Variants in ZSWIM6 observed in about 807,000 individuals in gnomAD.
ZSWIM6 encodes the protein zinc finger SWIM-type containing 6.
ZSWIM6 carries 9 observed loss-of-function variants against 113.2 expected under a neutral mutation model. That is an observed-to-expected ratio of 0.08 (90% confidence interval 0.05 to 0.14). The LOEUF (loss-of-function observed/expected upper bound fraction) is 0.14. Among genes scored for constraint, ZSWIM6 ranks in the 10% least tolerant of loss-of-function variants. The probability of loss-of-function intolerance (pLI) is 1.00; values close to 1 mark genes in which losing one functional copy is unlikely to be tolerated. For missense variants in ZSWIM6, 1,162 were observed against 1,552.2 expected (o/e 0.75, Z 4.22); for synonymous variants, 611 against 606.5 (o/e 1.01, Z -0.11).
chr5:61,392,136 T>C (rs2112093201), intron 1 of ZSWIM6, among the ~76,000 whole-genome samples: 2 of 152,330 alleles, frequency 1.3e-5, no homozygotes, highest in East Asian at 1.9e-4. Context: ...TCTTTATGTA[T>C]AGATACTCTA....
chr5:61,447,801 G>A (rs1258088082), intron 1 of ZSWIM6, among the ~76,000 whole-genome samples: 3 of 152,186 alleles, frequency 2.0e-5, no homozygotes, highest in Non-Finnish European at 4.4e-5. Flanking sequence ...CAGGGAATAA[G>A]GTTTTACTCA....
rs917544619 is a variant in ZSWIM6 at position 61,522,083 on chromosome 5, TTTTTTGTTTG to T, written c.1513+647_1513+656del. On this transcript the variant is annotated intron_variant, in intron 5 of 13. Transcript: ENST00000252744. Reference sequence around the variant, plus strand: ...ACCTCTGTCTCATTTCTGTCCTGTTTTTTTTGTTTGTTTTTTTTTGTTTTTTGTTTTTTTT... The same window carrying T: ...ACCTCTGTCTCATTTCTGTCCTGTTTTTTTTTTTTGTTTTTTGTTTTTTTT... Among the ~76,000 whole-genome samples, 6 of 145,066 alleles carry T rather than the reference TTTTTTGTTTG, an allele frequency of 4.1e-5. No homozygotes were observed. The South Asian group carries it at 6.7e-4, about 16-fold the overall frequency.
At position 61,530,548 on chromosome 5, in the gene ZSWIM6, G is replaced by GTT. The variant is rs546216663; in HGVS notation, c.1984+352_1984+353dup. On this transcript the variant is annotated intron_variant, in intron 8 of 13. Transcript: ENST00000252744. ...TTAGCATTTAGAACTAGAAAATCTA[G>GTT]TTTAGGTGCTTTTCAAATTTGTCTT... Among the ~76,000 whole-genome samples the GTT allele has an allele frequency of 1.8e-3, 268 of 150,918 alleles. 1 individual carries two copies. The highest frequency in any genetic ancestry group is 6.1e-3 in the African/African-American group (247 of 40,252).
Position 61,531,653 on chromosome 5 carries a change from A to C in ZSWIM6, c.2173A>C (p.Lys725Gln). The C allele has an allele frequency of 6.4e-7, 1 of 1,551,718 alleles. No homozygotes were observed. Among genetic ancestry groups the C allele is most frequent in the East Asian group, 2.4e-5 (1 of 40,926 alleles). Residue 725 changes from lysine (K) to glutamine (Q), a missense_variant, in exon 9 of 14, where the codon AAG (lysine) becomes CAG (glutamine). Physicochemically the swap from Lys to Gln is moderately conservative, Grantham distance 53 (BLOSUM62 1). Transcript: ENST00000252744. ...CCGGAATGAGGAGCAGCTCATTTCT[A>C]AGCTTCAGGAAATTGAATTGGATGA... ...VCRNEEQLIS[K>Q]LQEIELDDTL...
At chr5:61,420,906 T>C (rs953766328) in intron 1 of ZSWIM6, among the ~76,000 whole-genome samples, 13 of 144,888 alleles carry the variant, frequency 9.0e-5, no homozygotes, top group Non-Finnish European at 1.8e-4. Flanking sequence ...TACTAGGTCT[T>C]ATTCGTTCTA....
At chr5:61,526,463 TTC>T in intron 7 of ZSWIM6, 67 bp downstream of exon 7, 1 of 1,516,238 alleles carries the variant, frequency 6.6e-7, no homozygotes, top group Non-Finnish European at 8.9e-7. Flanking sequence ...AGGTTTTGTG[TTC>T]TGGGAGAGAT....
intron 1 of ZSWIM6, among the ~76,000 whole-genome samples, chr5:61,467,849 TC>T (rs1156463161): frequency 6.7e-6 from 1 of 148,586 alleles, no homozygotes. Context: ...TCTACTATTG[TC>T]TGACTCACTT....
intron 1 of ZSWIM6, among the ~76,000 whole-genome samples, chr5:61,348,193 C>T (rs773599930): frequency 1.5e-4 from 23 of 152,010 alleles, no homozygotes; most frequent in Admixed American, 5.9e-4. Context: ...TGCCCTCCAG[C>T]CTGGGCAACA....
rs1422219218 is a variant in ZSWIM6 at position 61,472,925 on chromosome 5, G to A, written c.921G>A (p.Leu307=). The A allele has an allele frequency of 1.7e-5, 26 of 1,551,520 alleles. No individual in the cohort carries two copies. Among genetic ancestry groups the A allele is most frequent in the East Asian group, 2.4e-5 (1 of 40,932 alleles). Residue 307 remains leucine (L), a synonymous_variant, in exon 2 of 14, where the codon CTG becomes CTA. Coordinates refer to ENST00000252744, the MANE Select transcript of ZSWIM6 (RefSeq NM_020928.2). The surrounding 1 kb of genome is among the most constrained non-coding windows in gnomAD (Gnocchi z 4.1). ...TCTTTCAAATGAATAGAGACCAACT[G>A]CAAAAGTTTGTACAGTATTTGATCA... ...ETLFQMNRDQ[L]QKFVQYLITV...
intron 1 of ZSWIM6, among the ~76,000 whole-genome samples, chr5:61,396,386 G>A (rs905673884): frequency 6.6e-6 from 1 of 152,008 alleles, no homozygotes; most frequent in African/African-American, 2.4e-5. Flanking sequence ...ACAAAAATTA[G>A]CTGGGTATGG....
At chr5:61,482,760 A>G (rs1271520236) in intron 2 of ZSWIM6, among the ~76,000 whole-genome samples, 5 of 152,048 alleles carry the variant, frequency 3.3e-5, no homozygotes, top group Admixed American at 2.0e-4. Context: ...TTTTTCTTAC[A>G]TTATAGAATT....
intron 1 of ZSWIM6, among the ~76,000 whole-genome samples, chr5:61,461,663 C>T (rs1262456879): frequency 6.6e-6 from 1 of 152,086 alleles, no homozygotes; most frequent in African/African-American, 2.4e-5. Context: ...TTACCAGGCT[C>T]TCAGAACAGG....
At chr5:61,337,311 A>G (rs1744423891) in intron 1 of ZSWIM6, among the ~76,000 whole-genome samples, 1 of 152,124 alleles carries the variant, frequency 6.6e-6, no homozygotes, top group African/African-American at 2.4e-5. Context: ...AAAAAAAACG[A>G]GATGCAAATA....
chr5:61,471,299 T>TGA (rs1026966589), intron 1 of ZSWIM6, among the ~76,000 whole-genome samples: 12 of 151,084 alleles, frequency 7.9e-5, no homozygotes, highest in East Asian at 3.9e-4. Context: ...AATATGGCTT[T>TGA]GAGAGAGAGA....
chr5:61,531,828 A>G, intron 9 of ZSWIM6, 103 bp downstream of exon 9: 1 of 1,287,368 alleles, frequency 7.8e-7, no homozygotes, highest in Non-Finnish European at 1.1e-6. Flanking sequence ...TATGGTAGTT[A>G]TCCTGATTGC....
chr5:61,346,849 A>G (rs1326525472), intron 1 of ZSWIM6, among the ~76,000 whole-genome samples: 1 of 152,240 alleles, frequency 6.6e-6, no homozygotes, highest in Non-Finnish European at 1.5e-5. Context: ...TTTGCTTTCA[A>G]TAATGACTAC....
At chr5:61,338,801 T>G (rs1744462464) in intron 1 of ZSWIM6, among the ~76,000 whole-genome samples, 1 of 152,220 alleles carries the variant, frequency 6.6e-6, no homozygotes, top group South Asian at 2.1e-4. Context: ...GCTATCCTCA[T>G]TATTTTTTTT....
intron 1 of ZSWIM6, among the ~76,000 whole-genome samples, chr5:61,417,735 A>T (rs1241078187): frequency 6.6e-6 from 1 of 152,348 alleles, no homozygotes; most frequent in East Asian, 1.9e-4. Flanking sequence ...AAGCGAATGC[A>T]TGTCTTTTTC....
At chr5:61,426,040 T>A (rs1746456731) in intron 1 of ZSWIM6, among the ~76,000 whole-genome samples, 1 of 152,206 alleles carries the variant, frequency 6.6e-6, no homozygotes, top group South Asian at 2.1e-4. Context: ...AGAAGCAGGA[T>A]CTGCTCTTTT....
Sources: gnomAD v4.1 joint callset for allele counts (sites outside exome capture counted in the v4.1 genomes callset) on GRCh38, gnomAD v4.1.1 for gene constraint, Gnocchi (gnomAD v3.1) non-coding constraint, MANE v1.5 for transcripts, NCBI Gene and HGNC (gene_info 2026-07-23, HGNC 2026-07-21) for gene names.